The following SLAIN1 variants were observed in gnomAD, a reference collection of about 807,000 sequenced individuals.
SLAIN1 encodes the protein SLAIN motif-containing protein 1.
Under a neutral mutation model 55.4 loss-of-function variants are expected in SLAIN1, and 17 were observed. That is an observed-to-expected ratio of 0.31 (90% CI 0.21 to 0.46). SLAIN1 has a LOEUF of 0.46. Among genes scored for constraint, SLAIN1 ranks in the 20% least tolerant of loss-of-function variants. The pLI, the probability that SLAIN1 is intolerant of heterozygous loss-of-function variation, is 1.00. For missense variants in SLAIN1, 682 were observed against 785.1 expected (o/e 0.87, Z 1.57); for synonymous variants, 348 against 337.4 (o/e 1.03, Z -0.35).
intron 2 of SLAIN1, among the ~76,000 whole-genome samples, chr13:77,728,287 C>T (rs368785985): frequency 6.6e-6 from 1 of 152,086 alleles, no homozygotes; most frequent in African/African-American, 2.4e-5. Context: ...TAAATTCACG[C>T]ATGAGGCTGG....
At position 77,698,098 on chromosome 13, in the gene SLAIN1, TGCC is replaced by T. The variant is rs557214778; in HGVS notation, c.198_200del (p.Pro67del). 133 of 1,125,742 alleles carry T rather than the reference TGCC, an allele frequency of 1.2e-4. No individual in the cohort carries two copies. The highest frequency in any genetic ancestry group is 2.9e-4 in the East Asian group (6 of 20,956). 69.7% of individuals were successfully genotyped at this position (1,125,742 alleles called of 1,614,324 possible). A position where few individuals can be genotyped will look rare whatever the true frequency, so the allele number is the denominator to read the frequency against. The stretch of plus-strand genomic sequence containing the variant: ...GCCGCCGCCCCGCACCTGCTGCTGC[TGCC>T]GCCGCCGCCGCCCGCCGCGCCGCCC... On this transcript the variant is annotated inframe_deletion, in exon 1 of 7. Coordinates refer to ENST00000418532, the MANE Select transcript of SLAIN1 (RefSeq NM_001242868.2). This position sits in a 1 kb window ranked among gnomAD's most constrained non-coding sequence, Gnocchi z 4.1.
chr13:77,741,518 T>C (rs1873438290), intron 2 of SLAIN1: 1 of 772,992 alleles, frequency 1.3e-6, no homozygotes. Context: ...ATGAAATGTG[T>C]GGATTCTGAA....
chr13:77,738,446 A>C (rs1873248190), intron 2 of SLAIN1, among the ~76,000 whole-genome samples: 3 of 152,010 alleles, frequency 2.0e-5, no homozygotes. Context: ...TAGGCTGTGA[A>C]TTTTAGTGAA....
At chr13:77,723,559 C>T (rs1195747452) in intron 2 of SLAIN1, among the ~76,000 whole-genome samples, 1 of 152,082 alleles carries the variant, frequency 6.6e-6, no homozygotes, top group African/African-American at 2.4e-5. Flanking sequence ...GGTTAAAAAC[C>T]ATTTCCCACA....
At chr13:77,728,228 A>G (rs1474739256) in intron 2 of SLAIN1, among the ~76,000 whole-genome samples, 2 of 152,208 alleles carry the variant, frequency 1.3e-5, no homozygotes, top group Non-Finnish European at 2.9e-5. Context: ...GGGTAGGATT[A>G]GCTCACTTGA....
intron 2 of SLAIN1, among the ~76,000 whole-genome samples, chr13:77,728,522 A>C (rs994619585): frequency 6.6e-6 from 1 of 152,204 alleles, no homozygotes; most frequent in African/African-American, 2.4e-5. Flanking sequence ...ATGTTTCGCT[A>C]TGACCATCTG....
At chr13:77,713,254 A>G (rs2091171217) in intron 1 of SLAIN1, among the ~76,000 whole-genome samples, 1 of 152,188 alleles carries the variant, frequency 6.6e-6, no homozygotes, top group Admixed American at 6.5e-5. Flanking sequence ...ACTGAATGGG[A>G]GAAAATTTTT....
intron 1 of SLAIN1, among the ~76,000 whole-genome samples, chr13:77,717,704 TACCATG>T (rs1382341274): frequency 6.6e-6 from 1 of 152,016 alleles, no homozygotes; most frequent in Non-Finnish European, 1.5e-5. Context: ...ACAATGAAAA[TACCATG>T]ATTGGCTTAG....
At chr13:77,725,280 A>G (rs183677498) in intron 2 of SLAIN1, among the ~76,000 whole-genome samples, 69 of 152,292 alleles carry the variant, frequency 4.5e-4, no homozygotes, top group African/African-American at 1.6e-3. Context: ...CTTATCTTAC[A>G]CACTTTGTTG....
chr13:77,715,146 A>C (rs964794468), intron 1 of SLAIN1, among the ~76,000 whole-genome samples: 8 of 152,126 alleles, frequency 5.3e-5, no homozygotes, highest in Non-Finnish European at 7.4e-5. Flanking sequence ...GATTACAGGC[A>C]GTTTGCATTT....
At position 77,698,418 on chromosome 13, in the gene SLAIN1, G is replaced by T; in HGVS notation, c.505G>T (p.Ala169Ser). The part of the protein sequence containing the change: ...AGGGGPEPGG[A>S]GTPPGAAAAP... The stretch of plus-strand genomic sequence containing the variant: ...CGGTGGCGGGCCGGAGCCGGGGGGC[G>T]CGGGGACGCCGCCAGGGGCAGCTGC... Residue 169 changes from alanine (A) to serine (S), a missense_variant, in exon 1 of 7, where the codon GCG (alanine) becomes TCG (serine). Ala to Ser is a moderately conservative substitution (Grantham distance 99). Coordinates refer to ENST00000418532, the MANE Select transcript of SLAIN1 (RefSeq NM_001242868.2). This position sits in a 1 kb window ranked among gnomAD's most constrained non-coding sequence, Gnocchi z 4.1. 3.6e-6 allele frequency: 5 copies of T among 1,394,122 alleles called. No individual in the cohort carries two copies. The highest frequency in any genetic ancestry group is 3.1e-5 in the East Asian group (1 of 32,296). The allele number at this position is 1,394,122 out of a possible 1,614,324, so 86.4% of individuals were successfully genotyped here.
At chr13:77,740,537 C>G (rs990307385) in intron 2 of SLAIN1, among the ~76,000 whole-genome samples, 15 of 150,072 alleles carry the variant, frequency 1.0e-4, no homozygotes, top group African/African-American at 1.5e-4. Context: ...CGCCCCCCCC[C>G]CCTTTTTTTA....
intron 5 of SLAIN1, among the ~76,000 whole-genome samples, chr13:77,755,323 GA>G (rs988254285): frequency 1.3e-5 from 2 of 148,880 alleles, no homozygotes; most frequent in Non-Finnish European, 3.0e-5. Flanking sequence ...ACCCTGTCTT[GA>G]AAAAAGAAAA....
rs1271564919 is a variant in SLAIN1 at position 77,698,291 on chromosome 13, C to T, written c.378C>T (p.Phe126=). ...GGSSPAFPGT[F]CLPSPAPSLL... is the part of the protein sequence containing the mutation. ...CCAGCCCCGCGTTCCCGGGCACCTT[C>T]TGCCTGCCTAGCCCCGCGCCCTCCC... The change falls in exon 1 of 7, where the codon TTC becomes TTT. Residue 126 remains phenylalanine (F), a synonymous_variant. Coordinates refer to ENST00000418532, the MANE Select transcript of SLAIN1 (RefSeq NM_001242868.2). The surrounding 1 kb of genome is among the most constrained non-coding windows in gnomAD (Gnocchi z 4.1). 2.8e-6 allele frequency: 4 copies of T among 1,433,164 alleles called. No homozygotes were observed. Among genetic ancestry groups the T allele is most frequent in the Non-Finnish European group, 2.7e-6 (3 of 1,093,126 alleles). The allele number at this position is 1,433,164 out of a possible 1,614,324, so 88.8% of individuals were successfully genotyped here. A position where few individuals can be genotyped will look rare whatever the true frequency, so the allele number is the denominator to read the frequency against.
intron 1 of SLAIN1, among the ~76,000 whole-genome samples, chr13:77,713,329 A>G (rs189564099): frequency 3.9e-5 from 6 of 152,362 alleles, no homozygotes; most frequent in Non-Finnish European, 8.8e-5. Context: ...CAAATTTACA[A>G]GAAAAAAACA....
intron 2 of SLAIN1, among the ~76,000 whole-genome samples, chr13:77,721,784 A>G (rs2091264727): frequency 1.3e-5 from 2 of 151,242 alleles, no homozygotes; most frequent in Admixed American, 1.3e-4. Context: ...TTCACGTGTC[A>G]CAAAATGTAT....
rs1334819762 is a variant in SLAIN1, at chr13:77,698,168, C to A, written c.255C>A (p.Ala85=). 4 of 1,170,602 alleles carry A rather than the reference C, an allele frequency of 3.4e-6. No homozygotes were observed. The highest frequency in any genetic ancestry group is 9.3e-5 in the Admixed American group (2 of 21,552). The allele number at this position is 1,170,602 out of a possible 1,614,324, so 72.5% of individuals were successfully genotyped here. The part of the protein sequence containing the change: ...LQPLGPRSPP[A]ATATAAASGG... ...CTTTGGGTCCTCGGAGCCCCCCGGC[C>A]GCCACGGCCACCGCCGCGGCCTCAG... is the stretch of plus-strand genomic sequence containing the variant. Residue 85 remains alanine (A), a synonymous_variant, in exon 1 of 7, where the codon GCC becomes GCA. Transcript: ENST00000418532. The surrounding 1 kb of genome is among the most constrained non-coding windows in gnomAD (Gnocchi z 4.1).
intron 6 of SLAIN1, 39 bp from the exon 7 acceptor site, chr13:77,763,105 AT>A: frequency 6.5e-7 from 1 of 1,543,804 alleles, no homozygotes; most frequent in Non-Finnish European, 9.0e-7. Flanking sequence ...TCATAGGATT[AT>A]TAACAATCTC....
intron 6 of SLAIN1, among the ~76,000 whole-genome samples, chr13:77,761,913 C>A (rs1163209488): frequency 6.6e-6 from 1 of 152,008 alleles, no homozygotes; most frequent in Non-Finnish European, 1.5e-5. Context: ...ACAGCTCTTT[C>A]AAGAAATTAG....
Sources: allele counts gnomAD v4.1 joint callset (sites outside exome capture counted in the v4.1 genomes callset), GRCh38; gene constraint gnomAD v4.1.1; non-coding constraint Gnocchi (gnomAD v3.1); transcripts MANE v1.5; gene names NCBI Gene and HGNC (gene_info 2026-07-23, HGNC 2026-07-21).